SC5D: variants seen among roughly 807,000 people sequenced by gnomAD.
SC5D encodes the protein sterol-C5-desaturase.
Under a neutral mutation model 23.9 loss-of-function variants are expected in SC5D, and 21 were observed. That is an observed-to-expected ratio of 0.88 (90% CI 0.62 to 1.26). SC5D has a LOEUF of 1.26. SC5D is among the 50% of genes most tolerant of loss of function. SC5D has a pLI of 0.00. For synonymous variants in SC5D, 113 were observed against 125.9 expected, an observed-to-expected ratio of 0.90 and a Z score of 0.68; for missense variants, 309 against 364.8, an observed-to-expected ratio of 0.85 and a Z score of 1.25.
At position 121,303,369 on chromosome 11, in the gene SC5D, C is replaced by A. The variant is rs767258352; in HGVS notation, c.-7C>A. The A allele has an allele frequency of 3.1e-6, 5 of 1,613,328 alleles. No homozygotes were observed. The highest frequency in any genetic ancestry group is 4.2e-6 in the Non-Finnish European group (5 of 1,179,380). On this transcript the variant is annotated 5_prime_UTR_variant, in exon 2 of 5. Coordinates refer to ENST00000264027, the MANE Select transcript of SC5D (RefSeq NM_006918.5). The stretch of plus-strand genomic sequence containing the variant: ...GTCACACATGCTTATTTTTTAGGGG[C>A]TAAGTGATGGATCTTGTACTCCGTG...
At chr11:121,303,219 G>C (rs1947937846) in intron 1 of SC5D, 147 bp from the exon 2 acceptor site, 1 of 658,182 alleles carries the variant, frequency 1.5e-6, no homozygotes, top group African/African-American at 1.8e-5. Context: ...TGGCTCTAAA[G>C]ATGGCATGTA....
chr11:121,302,926 T>A (rs1947935674), intron 1 of SC5D, among the ~76,000 whole-genome samples: 1 of 152,154 alleles, frequency 6.6e-6, no homozygotes, highest in Non-Finnish European at 1.5e-5. Context: ...GAAGCAAAAA[T>A]CTCTGAAGTA....
chr11:121,294,210 C>T (rs1225507248), intron 1 of SC5D, among the ~76,000 whole-genome samples: 2 of 152,154 alleles, frequency 1.3e-5, no homozygotes, highest in Non-Finnish European at 2.9e-5. Context: ...CTGTTTGAAG[C>T]AGTGGTACTT....
intron 1 of SC5D, among the ~76,000 whole-genome samples, chr11:121,293,316 C>T (rs569701886): frequency 1.3e-5 from 2 of 152,312 alleles, no homozygotes; most frequent in East Asian, 1.9e-4. Context: ...GGTCTGGCTG[C>T]TGAACACGAA....
intron 3 of SC5D, chr11:121,305,421 C>T (rs1005513853): frequency 5.9e-5 from 9 of 151,866 alleles, no homozygotes; most frequent in African/African-American, 2.2e-4. Flanking sequence ...CCAGCACCCC[C>T]ACACTTTAAG....
Position 121,308,734 on chromosome 11 carries a change from G to A in SC5D, c.*1222G>A, listed in dbSNP as rs1272915719. ...GATGTGGATTGTTAATTGTGTTTTA[G>A]AACATCCCCGGACACTCAGTGTCAC... On this transcript the variant is annotated 3_prime_UTR_variant, in exon 5 of 5. Coordinates refer to ENST00000264027, the MANE Select transcript of SC5D (RefSeq NM_006918.5). 1 of 152,626 alleles carries A rather than the reference G, an allele frequency of 6.6e-6. No homozygotes were observed. The highest frequency in any genetic ancestry group is 2.4e-5 in the African/African-American group (1 of 41,442). The allele number at this position is 152,626 out of a possible 1,614,324, so 9.5% of individuals were successfully genotyped here.
At chr11:121,298,065 C>A (rs932031392) in intron 1 of SC5D, among the ~76,000 whole-genome samples, 2 of 152,188 alleles carry the variant, frequency 1.3e-5, no homozygotes, top group Non-Finnish European at 2.9e-5. Flanking sequence ...TTCAGTGGCA[C>A]GAATATGGCT....
chr11:121,303,660 A>T (rs746860313), intron 2 of SC5D, 75 bp downstream of exon 2: 1 of 1,214,950 alleles, frequency 8.2e-7, no homozygotes, highest in Admixed American at 2.1e-5. Context: ...AGATTTTTAG[A>T]TTAAGCTGAT....
chr11:121,307,261 C>T lies in SC5D; in HGVS notation c.649C>T (p.Gln217Ter), dbSNP rs370879876. The T allele has an allele frequency of 1.9e-6, 3 of 1,613,996 alleles. No individual in the cohort carries two copies. In the African/African-American group the frequency reaches 4.0e-5, roughly 22 times the overall value. Reference protein sequence around the residue: ...SIHDGDFRVPQILQPFINGSA... With the variant: ...SIHDGDFRVP The stretch of plus-strand genomic sequence containing the variant: ...TCATGACGGTGATTTTCGTGTCCCC[C>T]AAATCTTACAGCCATTTATTAATGG... Residue 217 changes from glutamine to a stop codon, truncating the protein, a stop_gained, in exon 5 of 5, where the codon CAA becomes TAA. Transcript: ENST00000264027. LOFTEE classifies it high-confidence loss of function.
chr11:121,299,886 C>G (rs1375712028), intron 1 of SC5D, among the ~76,000 whole-genome samples: 2 of 152,110 alleles, frequency 1.3e-5, no homozygotes, highest in African/African-American at 4.8e-5. Flanking sequence ...AGAGCAAGAC[C>G]TTGTCTCTAA....
intron 1 of SC5D, among the ~76,000 whole-genome samples, chr11:121,294,597 T>A (rs1400759836): frequency 6.6e-6 from 1 of 152,208 alleles, no homozygotes; most frequent in Admixed American, 6.5e-5. Flanking sequence ...TCAGTTATTT[T>A]TCAAACAAAA....
At chr11:121,292,971 C>G (rs890813602) in intron 1 of SC5D, 155 bp downstream of exon 1, 6 of 152,360 alleles carry the variant, frequency 3.9e-5, no homozygotes, top group Non-Finnish European at 8.8e-5. Flanking sequence ...TTCTCCGCGC[C>G]GCGGTTGGTT....
At chr11:121,299,411 A>G (rs916427300) in intron 1 of SC5D, among the ~76,000 whole-genome samples, 6 of 152,182 alleles carry the variant, frequency 3.9e-5, no homozygotes, top group Non-Finnish European at 7.3e-5. Context: ...ATATATTTGA[A>G]AGTTTACTGA....
chr11:121,303,345 T>TCA (rs755936871), intron 1 of SC5D, 21 bp from the exon 2 acceptor site: 12 of 1,602,118 alleles, frequency 7.5e-6, no homozygotes, highest in East Asian at 6.7e-5. Context: ...TAACTAATTG[T>TCA]CACACATGCT....
rs1947979495 is a variant in SC5D, at chr11:121,307,865, C to T, written c.*353C>T. The stretch of plus-strand genomic sequence containing the variant: ...CTATATGCATTTGCCTTCATCCACC[C>T]ATGTTTATTAAGAATCATTGTGCTT... On this transcript the variant is annotated 3_prime_UTR_variant, in exon 5 of 5. Coordinates refer to ENST00000264027, the MANE Select transcript of SC5D (RefSeq NM_006918.5). 2 of 181,910 alleles carry T rather than the reference C, an allele frequency of 1.1e-5. No individual in the cohort carries two copies. The highest frequency in any genetic ancestry group is 1.4e-4 in the East Asian group (1 of 6,932). 11.3% of individuals were successfully genotyped at this position (181,910 alleles called of 1,614,324 possible).
Position 121,299,150 on chromosome 11 carries a change from A to T in SC5D, c.-10-4216A>T, listed in dbSNP as rs533822643. On this transcript the variant is annotated intron_variant, in intron 1 of 4. Coordinates refer to ENST00000264027, the MANE Select transcript of SC5D (RefSeq NM_006918.5). Reference sequence around the variant, plus strand: ...CACAGATGGGAAGATCACTGAAGGCATTATGTAAATAATCATTGCTTAAGC... The same window carrying T: ...CACAGATGGGAAGATCACTGAAGGCTTTATGTAAATAATCATTGCTTAAGC... Among the ~76,000 whole-genome samples, 15 of 152,382 alleles carry T rather than the reference A, an allele frequency of 9.8e-5. 1 individual carries two copies. The South Asian group carries it at 3.1e-3, about 32-fold the overall frequency.
rs1947888608 is a variant in SC5D at position 121,296,272 on chromosome 11, A to T, written c.-11+3456A>T. 5.9e-5 allele frequency among the ~76,000 whole-genome samples: 9 copies of T among 152,260 alleles called. No individual in the cohort carries two copies. The South Asian group carries it at 1.9e-3, about 32-fold the overall frequency. On this transcript the variant is annotated intron_variant, in intron 1 of 4. Transcript: ENST00000264027. The stretch of plus-strand genomic sequence containing the variant: ...AGTGTCTCCTCATAGCGTGTGAGAG[A>T]AAGTCCAAATTCCTCAGCAGGACAG...
chr11:121,307,583 A>C lies in SC5D; in HGVS notation c.*71A>C. 1 of 1,047,920 alleles carries C rather than the reference A, an allele frequency of 9.5e-7. No homozygotes were observed. Among genetic ancestry groups the C allele is most frequent in the Non-Finnish European group, 1.4e-6 (1 of 727,824 alleles). The allele number at this position is 1,047,920 out of a possible 1,614,324, so 64.9% of individuals were successfully genotyped here. On this transcript the variant is annotated 3_prime_UTR_variant, in exon 5 of 5. Transcript: ENST00000264027. Reference sequence around the variant, plus strand: ...ATCGTATTTCTTTTTTTTAATAAGGAAAAAATAATATCCATACAGTCAAGA... The same window carrying C: ...ATCGTATTTCTTTTTTTTAATAAGGCAAAAATAATATCCATACAGTCAAGA...
intron 1 of SC5D, among the ~76,000 whole-genome samples, chr11:121,296,619 T>G (rs1358901432): frequency 1.3e-5 from 2 of 152,252 alleles, no homozygotes; most frequent in Non-Finnish European, 2.9e-5. Flanking sequence ...TTGCAGCACG[T>G]GTCCTATTGC....
Sources: allele counts gnomAD v4.1 joint callset (sites outside exome capture counted in the v4.1 genomes callset), GRCh38; gene constraint gnomAD v4.1.1; transcripts MANE v1.5; gene names NCBI Gene and HGNC (gene_info 2026-07-23, HGNC 2026-07-21).